Variants in TUSC3 observed in about 807,000 individuals in gnomAD.
TUSC3 encodes tumor suppressor candidate 3.
In TUSC3, 45 loss-of-function variants were observed where a neutral mutation model predicts 44.8. The ratio of observed to expected loss-of-function variants is 1.00; its 90% CI spans 0.79 to 1.29. The LOEUF is 1.29. TUSC3 is among the 50% of genes most tolerant of loss of function. TUSC3 has a pLI of 0.00. For missense variants in TUSC3, 519 were observed against 437.9 expected (o/e 1.19, Z -1.65); for synonymous variants, 212 against 152.9 (o/e 1.39, Z -2.85).
At chr8:15,691,138 A>T (rs747657021) in intron 6 of TUSC3, among the ~76,000 whole-genome samples, 1 of 152,044 alleles carries the variant, frequency 6.6e-6, no homozygotes, top group Admixed American at 6.6e-5. Context: ...AATCATGAAC[A>T]TGAAATGTTT....
intron 1 of TUSC3, among the ~76,000 whole-genome samples, chr8:15,480,717 C>T (rs1800646949): frequency 6.6e-6 from 1 of 152,176 alleles, no homozygotes; most frequent in Non-Finnish European, 1.5e-5. Context: ...TCTGAATGTC[C>T]TAACCTCCTC....
At chr8:15,619,150 A>G (rs568496783) in intron 1 of TUSC3, among the ~76,000 whole-genome samples, 1 of 152,296 alleles carries the variant, frequency 6.6e-6, no homozygotes, top group African/African-American at 2.4e-5. Context: ...TAAGTGAGAA[A>G]TGTGTTTCTC....
chr8:15,576,403 G>C (rs958161675), intron 1 of TUSC3, among the ~76,000 whole-genome samples: 3 of 148,314 alleles, frequency 2.0e-5, no homozygotes, highest in Non-Finnish European at 4.5e-5. Context: ...CTGGTGCGCT[G>C]CACCCACTAA....
upstream of TUSC3, among the ~76,000 whole-genome samples, chr8:15,537,454 C>G (rs1164093108): frequency 6.6e-6 from 1 of 152,172 alleles, no homozygotes; most frequent in African/African-American, 2.4e-5. Flanking sequence ...CTCAGGACCT[C>G]CTGAGGCTGT....
At chr8:15,662,050 G>A in intron 4 of TUSC3, 106 bp from the exon 5 acceptor site, 1 of 1,252,984 alleles carries the variant, frequency 8.0e-7, no homozygotes, top group Non-Finnish European at 1.1e-6. Flanking sequence ...AAGTTGGGTG[G>A]CATGTTTCTG....
intron 6 of TUSC3, 96 bp downstream of exon 6, chr8:15,673,932 G>A (rs548624327): frequency 9.4e-7 from 1 of 1,062,486 alleles, no homozygotes. Flanking sequence ...AAAAGATTCT[G>A]TTTGTCAGTC....
chr8:15,735,991 G>C (rs1341593900), intron 7 of TUSC3, among the ~76,000 whole-genome samples: 1 of 151,898 alleles, frequency 6.6e-6, no homozygotes, highest in Non-Finnish European at 1.5e-5. Context: ...GCCTCCCAAA[G>C]TGCTGGGATT....
At chr8:15,649,469 A>T (rs917804018) in intron 2 of TUSC3, among the ~76,000 whole-genome samples, 9 of 151,992 alleles carry the variant, frequency 5.9e-5, no homozygotes, top group Non-Finnish European at 1.2e-4. Flanking sequence ...CTGTAGTCCC[A>T]GCTGCTTGGG....
chr8:15,830,709 G>A, the TUSC3 span, among the ~76,000 whole-genome samples: 1 of 151,996 alleles, frequency 6.6e-6, no homozygotes, highest in Admixed American at 6.6e-5. Context: ...GCTCAATAAT[G>A]GGTACACAAG....
intron 2 of TUSC3, among the ~76,000 whole-genome samples, chr8:15,623,489 A>G (rs1805344218): frequency 6.6e-6 from 1 of 152,130 alleles, no homozygotes; most frequent in African/African-American, 2.4e-5. Context: ...AAACCGTTTT[A>G]TCATCTTGAT....
chr8:15,563,685 C>CAGAAAAAAAA (rs1802561720), intron 1 of TUSC3, among the ~76,000 whole-genome samples: 1 of 79,974 alleles, frequency 1.3e-5, no homozygotes, highest in Non-Finnish European at 2.2e-5. Flanking sequence ...GCCTCCATCT[C>CAGAAAAAAAA]AAAAAAAAAA....
At chr8:15,451,856 T>TG (rs1423172363) in intron 1 of TUSC3, among the ~76,000 whole-genome samples, 2 of 152,028 alleles carry the variant, frequency 1.3e-5, no homozygotes, top group African/African-American at 2.4e-5. Context: ...TTGCTTTGTG[T>TG]GGGGGAAAAA....
At chr8:15,819,706 C>G in the TUSC3 span, among the ~76,000 whole-genome samples, 8 of 152,262 alleles carry the variant, frequency 5.3e-5, no homozygotes, top group East Asian at 1.4e-3. Context: ...TGCGACTTGA[C>G]TTAGTAATGT....
At chr8:15,491,712 G>T (rs1022364977) in intron 2 of TUSC3, among the ~76,000 whole-genome samples, 3 of 152,132 alleles carry the variant, frequency 2.0e-5, no homozygotes, top group Non-Finnish European at 4.4e-5. Context: ...CACCATCTGG[G>T]AACCTTGTAC....
At chr8:15,574,678 A>C (rs1803020766) in intron 1 of TUSC3, among the ~76,000 whole-genome samples, 1 of 152,150 alleles carries the variant, frequency 6.6e-6, no homozygotes, top group Non-Finnish European at 1.5e-5. Flanking sequence ...CTTCCATGAG[A>C]GCTAGCTTTT....
intron 1 of TUSC3, among the ~76,000 whole-genome samples, chr8:15,460,160 T>C (rs1252848003): frequency 6.6e-6 from 1 of 152,156 alleles, no homozygotes; most frequent in East Asian, 1.9e-4. Flanking sequence ...AACAGGAGTG[T>C]AGAAGTGTTC....
chr8:15,677,161 G>A (rs1412815083), intron 6 of TUSC3, among the ~76,000 whole-genome samples: 2 of 152,110 alleles, frequency 1.3e-5, no homozygotes, highest in Non-Finnish European at 2.9e-5. Context: ...CGGACACTGT[G>A]CCTGGCCTTT....
intron 1 of TUSC3, among the ~76,000 whole-genome samples, chr8:15,464,863 T>C (rs1644194726): frequency 6.6e-6 from 1 of 152,142 alleles, no homozygotes; most frequent in Non-Finnish European, 1.5e-5. Context: ...ACTTTTTTTT[T>C]GTTTGAGATG....
chr8:15,479,669 T>A (rs2129124158), intron 1 of TUSC3, among the ~76,000 whole-genome samples: 1 of 152,328 alleles, frequency 6.6e-6, no homozygotes, highest in Admixed American at 6.5e-5. Flanking sequence ...AGTACCATGC[T>A]GTTTTGGTTA....
Sources: allele counts gnomAD v4.1 joint callset (sites outside exome capture counted in the v4.1 genomes callset), GRCh38; gene constraint gnomAD v4.1.1; transcripts MANE v1.5; gene names NCBI Gene and HGNC (gene_info 2026-07-23, HGNC 2026-07-21).